The following SIPA1L2 variants were observed in gnomAD, a reference collection of about 807,000 sequenced individuals.
SIPA1L2 encodes signal induced proliferation associated 1 like 2, also known as signal-induced proliferation-associated 1-like protein 2.
A neutral mutation model predicts 163.9 loss-of-function variants in SIPA1L2; 56 were observed. The observed-to-expected ratio is 0.34, with a 90% CI of 0.28 to 0.43. The LOEUF is 0.43. Ranked by LOEUF, SIPA1L2 falls within the 20% of genes least tolerant of loss-of-function variation. The pLI is 1.00. For synonymous variants in SIPA1L2, 877 were observed against 865.7 expected, an observed-to-expected ratio of 1.01 and a Z score of -0.23; for missense variants, 1,974 against 2,193.5, an observed-to-expected ratio of 0.90 and a Z score of 2.00.
rs143951286 is a variant in SIPA1L2, at chr1:232,508,830, G to A, written c.1483+5027C>T. ...GTTTTGGCTGGGTGCGGTGGCTCAC[G>A]CCTGTAATCCCAGCACTCTGGGAGG... On this transcript the variant is annotated intron_variant, in intron 3 of 22. Coordinates refer to ENST00000674635, the MANE Select transcript of SIPA1L2 (RefSeq NM_020808.5). Among the ~76,000 whole-genome samples the A allele has an allele frequency of 2.2e-3, 337 of 152,320 alleles. 1 individual carries two copies. The highest frequency in any genetic ancestry group is 7.3e-3 in the African/African-American group (305 of 41,576).
rs776677614 is a variant in SIPA1L2 at position 232,515,183 on chromosome 1, C to A, written c.157G>T (p.Ala53Ser). The change falls in exon 3 of 23, where the codon GCC (alanine) becomes TCC (serine). Residue 53 changes from alanine to serine, a missense_variant. Physicochemically the swap from Ala to Ser is moderately conservative, Grantham distance 99. This residue lies in a region of SIPA1L2 where 607 missense variants were observed against 624.0 expected (regional missense o/e 0.97). Transcript: ENST00000674635. The part of the protein sequence containing the change: ...GNMGPTTSLN[A>S]SNSNETGGGG... ...CCGCCAGTCTCATTGGAATTCGAGG[C>A]ATTTAAAGAAGTAGTGGGTCCCATG... 6.2e-7 allele frequency: 1 copy of A among 1,614,208 alleles called. No individual in the cohort carries two copies. Among genetic ancestry groups the A allele is most frequent in the South Asian group, 1.1e-5 (1 of 91,086 alleles).
Position 232,441,387 on chromosome 1 carries a change from T to C in SIPA1L2, c.3546A>G (p.Lys1182=), listed in dbSNP as rs1168001673. 2 of 1,601,922 alleles carry C rather than the reference T, an allele frequency of 1.2e-6. No individual in the cohort carries two copies. Among genetic ancestry groups the C allele is most frequent in the Non-Finnish European group, 1.7e-6 (2 of 1,177,232 alleles). The change falls in exon 14 of 23, where the codon AAA becomes AAG. Residue 1182 remains lysine (K), a synonymous_variant. Transcript: ENST00000674635. The part of the protein sequence containing the change: ...TMEASRHPET[K]WHGPPSKVLG... The stretch of plus-strand genomic sequence containing the variant: ...GGACTTTGGAAGGTGGGCCATGCCA[T>C]TTGGTTTCTGTCACATAAAAAGAGA...
rs187202078 is a variant in SIPA1L2 at position 232,562,942 on chromosome 1, G to T, written c.-270+11232C>A. On this transcript the variant is annotated intron_variant, in intron 2 of 22. Coordinates refer to ENST00000674635, the MANE Select transcript of SIPA1L2 (RefSeq NM_020808.5). ...GCTGTGTCGAGAGAACCCAGGCATG[G>T]AAGGAGAGCTGTGTAGACATCTGGC... 1.2e-3 allele frequency among the ~76,000 whole-genome samples: 176 copies of T among 152,320 alleles called. 2 individuals are homozygous for T. Among genetic ancestry groups the T allele is most frequent in the African/African-American group, 4.1e-3 (172 of 41,580 alleles).
intron 14 of SIPA1L2, 99 bp from the exon 15 acceptor site, chr1:232,439,595 A>C (rs1156964800): frequency 7.2e-7 from 1 of 1,384,240 alleles, no homozygotes; most frequent in Admixed American, 2.2e-5. Context: ...ATCGCACCCA[A>C]GCCCTTTCTA....
At position 232,441,304 on chromosome 1, in the gene SIPA1L2, T is replaced by C. The variant is rs756848187; in HGVS notation, c.3629A>G (p.Asn1210Ser). Residue 1210 changes from asparagine (N) to serine (S), a missense_variant, in exon 14 of 23, where the codon AAT (asparagine) becomes AGT (serine). By Grantham distance (46) the Asn-to-Ser change is conservative (BLOSUM62 1). Around this residue, in one of 3 missense-constraint regions of SIPA1L2, gnomAD observed 1,079 missense variants for 1,150.7 expected, o/e 0.94. Transcript: ENST00000674635. ...CAAAGGACTTACGTGAGAAAGCTTA[T>C]TGGGGGAATCTTTGCAACTTCCATC... Reference protein sequence around the residue: ...QKDGSCKDSPNKLSHIGDKSC... With the variant: ...QKDGSCKDSPSKLSHIGDKSC... 1.1e-5 allele frequency: 17 copies of C among 1,595,600 alleles called. No homozygotes were observed. Among genetic ancestry groups the C allele is most frequent in the Non-Finnish European group, 1.3e-5 (15 of 1,175,782 alleles).
chr1:232,414,414 T>C (rs1661131923), intron 19 of SIPA1L2, among the ~76,000 whole-genome samples: 1 of 152,076 alleles, frequency 6.6e-6, no homozygotes, highest in Non-Finnish European at 1.5e-5. Context: ...TTCCGCATTT[T>C]GACTTCAAAT....
At chr1:232,541,924 C>T (rs1451274821) in intron 2 of SIPA1L2, among the ~76,000 whole-genome samples, 3 of 125,472 alleles carry the variant, frequency 2.4e-5, no homozygotes, top group Non-Finnish European at 4.9e-5. Flanking sequence ...AAATCTTGGG[C>T]TGAGCCTTAA....
chr1:232,571,537 G>A (rs1350280865), intron 2 of SIPA1L2, among the ~76,000 whole-genome samples: 1 of 152,208 alleles, frequency 6.6e-6, no homozygotes, highest in African/African-American at 2.4e-5. Flanking sequence ...GTAAAATGAA[G>A]TTTGCCTAAA....
intron 19 of SIPA1L2, 78 bp from the exon 20 acceptor site, chr1:232,404,256 G>A (rs1369215406): frequency 2.7e-5 from 37 of 1,369,212 alleles, no homozygotes; most frequent in Non-Finnish European, 1.4e-5. Flanking sequence ...CACAAAATGC[G>A]GCTGTGTGAA....
At chr1:232,621,914 G>C (rs1662832440) in intron 1 of SIPA1L2, among the ~76,000 whole-genome samples, 1 of 152,082 alleles carries the variant, frequency 6.6e-6, no homozygotes, top group African/African-American at 2.4e-5. Flanking sequence ...ATTTTCTGTA[G>C]AGATGGGGCC....
chr1:232,420,535 C>T (rs1381934266), intron 18 of SIPA1L2, among the ~76,000 whole-genome samples: 2 of 151,906 alleles, frequency 1.3e-5, no homozygotes, highest in Non-Finnish European at 2.9e-5. Flanking sequence ...ACTCTTCTGG[C>T]CAATTAAGAC....
intron 2 of SIPA1L2, among the ~76,000 whole-genome samples, chr1:232,565,104 A>C (rs1344910206): frequency 6.6e-6 from 1 of 152,242 alleles, no homozygotes; most frequent in Non-Finnish European, 1.5e-5. Context: ...GAAAGATAGA[A>C]ATAGTAAGTG....
At chr1:232,564,040 T>C (rs142354682) in intron 2 of SIPA1L2, among the ~76,000 whole-genome samples, 2,169 of 118,972 alleles carry the variant, frequency 0.018, 103 homozygotes, top group African/African-American at 0.067. Flanking sequence ...TGCAATGGTG[T>C]GATCTTGGCT....
chr1:232,405,184 A>G (rs1348795797), intron 19 of SIPA1L2, among the ~76,000 whole-genome samples: 5 of 152,256 alleles, frequency 3.3e-5, no homozygotes, highest in Non-Finnish European at 7.3e-5. Flanking sequence ...TGGTGCTGAA[A>G]GCACCGTCAG....
At chr1:232,501,534 T>C (rs987018502) in intron 3 of SIPA1L2, among the ~76,000 whole-genome samples, 3 of 152,054 alleles carry the variant, frequency 2.0e-5, no homozygotes, top group South Asian at 2.1e-4. Context: ...GCCCAAATAA[T>C]GGGGTGGGGC....
rs909142005 is a variant in SIPA1L2, at chr1:232,441,955, T to C, written c.3438-87A>G. On this transcript the variant is annotated intron_variant, in intron 12 of 22. Coordinates refer to ENST00000674635, the MANE Select transcript of SIPA1L2 (RefSeq NM_020808.5). ...CGGGAGTGCTGGCTTCCAAGTAGGC[T>C]ATGCGAGGGAAAGCCCTATCCAGGA... 6 of 1,125,956 alleles carry C rather than the reference T, an allele frequency of 5.3e-6. No homozygotes were observed. The African/African-American group carries it at 7.8e-5, about 15-fold the overall frequency. 69.7% of individuals were successfully genotyped at this position (1,125,956 alleles called of 1,614,324 possible). A position where few individuals can be genotyped will look rare whatever the true frequency, so the allele number is the denominator to read the frequency against.
chr1:232,514,954 T>C lies in SIPA1L2; in HGVS notation c.386A>G (p.Gln129Arg), dbSNP rs762919044. ...SDQSEGQQDEQLDLDFVEAKY... is the reference protein window; with the variant it reads ...SDQSEGQQDERLDLDFVEAKY... ...GGCCTCCACGAAGTCCAGATCGAGC[T>C]GTTCATCTTGCTGACCTTCACTCTG... Residue 129 changes from glutamine (Q) to arginine (R), a missense_variant, in exon 3 of 23, where the codon CAG becomes CGG. By Grantham distance (43) the Gln-to-Arg change is conservative (BLOSUM62 1). This residue lies in a region of SIPA1L2 where 607 missense variants were observed against 624.0 expected (regional missense o/e 0.97). Transcript: ENST00000674635. 6.2e-7 allele frequency: 1 copy of C among 1,614,186 alleles called. No homozygotes were observed. Among genetic ancestry groups the C allele is most frequent in the Non-Finnish European group, 8.5e-7 (1 of 1,180,020 alleles).
chr1:232,479,513 TTCAAGAAAAACCC>T, intron 7 of SIPA1L2, 101 bp downstream of exon 7: 1 of 818,456 alleles, frequency 1.2e-6, no homozygotes, highest in Admixed American at 2.0e-5. Context: ...ATTAATGCTA[TTCAAGAAAAACCC>T]TCACTGATTC....
At chr1:232,405,770 A>T (rs1323603580) in intron 19 of SIPA1L2, among the ~76,000 whole-genome samples, 1 of 152,180 alleles carries the variant, frequency 6.6e-6, no homozygotes, top group Non-Finnish European at 1.5e-5. Flanking sequence ...GTTTTATGCA[A>T]GCCAGTGATA....
Sources: allele counts gnomAD v4.1 joint callset (sites outside exome capture counted in the v4.1 genomes callset), GRCh38; gene constraint gnomAD v4.1.1; regional missense constraint gnomAD v4.1.1; transcripts MANE v1.5; gene names NCBI Gene and HGNC (gene_info 2026-07-23, HGNC 2026-07-21).